The following BAG2 variants were observed in gnomAD, a reference collection of about 807,000 sequenced individuals.
BAG2 encodes the protein BAG family molecular chaperone regulator 2.
A neutral mutation model predicts 16.4 loss-of-function variants in BAG2; 8 were observed. The ratio of observed to expected loss-of-function variants is 0.49; its 90% CI spans 0.29 to 0.88. The LOEUF is 0.88. BAG2 is among the 40% of genes least tolerant of loss of function. The pLI is 0.09. For missense variants in BAG2, 218 were observed against 248.9 expected, an observed-to-expected ratio of 0.88 and a Z score of 0.84; for synonymous variants, 82 against 89.2, an observed-to-expected ratio of 0.92 and a Z score of 0.46.
At position 57,186,693 on chromosome 6, in the gene BAG2, T is replaced by TGAG. The variant is rs1383426110; in HGVS notation, c.*2504_*2506dup. ...TATTTTCAAATGATGATGAATCTCCTGAGTCACATTTTTACCCTCATTTAA... is the reference window on the plus strand; with the variant it reads ...TATTTTCAAATGATGATGAATCTCCTGAGGAGTCACATTTTTACCCTCATTTAA... On this transcript the variant is annotated 3_prime_UTR_variant, in exon 3 of 3. Coordinates refer to ENST00000370693, the MANE Select transcript of BAG2 (RefSeq NM_004282.4). 6 of 152,210 alleles carry TGAG rather than the reference T, an allele frequency of 3.9e-5. No individual in the cohort carries two copies. The highest frequency in any genetic ancestry group is 1.2e-4 in the African/African-American group (5 of 41,452). 9.4% of individuals were successfully genotyped at this position (152,210 alleles called of 1,614,324 possible). A position where few individuals can be genotyped will look rare whatever the true frequency, so the allele number is the denominator to read the frequency against.
At chr6:57,175,939 A>T (rs1764272698) in intron 1 of BAG2, among the ~76,000 whole-genome samples, 2 of 152,284 alleles carry the variant, frequency 1.3e-5, no homozygotes, top group South Asian at 2.1e-4. Flanking sequence ...GGAGGCCTAG[A>T]CTTGCAACGG....
In BAG2 at chr6:57,186,644, A is replaced by G. The variant is rs907006261; in HGVS notation, c.*2454A>G. 6.6e-6 allele frequency: 1 copy of G among 152,068 alleles called. No homozygotes were observed. The highest frequency in any genetic ancestry group is 1.5e-5 in the Non-Finnish European group (1 of 68,008). 9.4% of individuals were successfully genotyped at this position (152,068 alleles called of 1,614,324 possible). ...GGGTTGGTTCTTAACATGTATTTTT[A>G]TTTATAAGAATGGGAGTATAATTTA... On this transcript the variant is annotated 3_prime_UTR_variant, in exon 3 of 3. Transcript: ENST00000370693.
In BAG2 at chr6:57,172,566, T is replaced by A. The variant is rs1444504851; in HGVS notation, c.-132T>A. On this transcript the variant is annotated 5_prime_UTR_variant, in exon 1 of 3. The change creates a new upstream start codon in the 5' untranslated region. Transcript: ENST00000370693. The stretch of plus-strand genomic sequence containing the variant: ...CGCGGTGTCGGCGAGTCCTCCCGGG[T>A]TGCCCCCGCGGGCGTCAGAGGGAGG... 1.0e-5 allele frequency: 7 copies of A among 680,118 alleles called. No homozygotes were observed. Among genetic ancestry groups the A allele is most frequent in the Non-Finnish European group, 1.3e-5 (6 of 447,514 alleles). The allele number at this position is 680,118 out of a possible 1,614,324, so 42.1% of individuals were successfully genotyped here.
intron 2 of BAG2, among the ~76,000 whole-genome samples, chr6:57,182,973 A>G (rs938010594): frequency 2.0e-5 from 3 of 152,202 alleles, no homozygotes; most frequent in Admixed American, 6.5e-5. Flanking sequence ...TCATGTGAAG[A>G]ACATGAAATA....
chr6:57,187,380 A>G lies in BAG2; in HGVS notation c.*3190A>G, dbSNP rs1764641486. ...GTTAGCAAATGAATTCATCTGTATG[A>G]TGAGAGACTTACATGTTTTATAGCT... On this transcript the variant is annotated 3_prime_UTR_variant, in exon 3 of 3. Transcript: ENST00000370693. The G allele has an allele frequency of 6.6e-6, 1 of 152,172 alleles. No homozygotes were observed. Among genetic ancestry groups the G allele is most frequent in the African/African-American group, 2.4e-5 (1 of 41,450 alleles). The allele number at this position is 152,172 out of a possible 1,614,324, so 9.4% of individuals were successfully genotyped here.
rs755645669 is a variant in BAG2, at chr6:57,188,627, C to T, written c.*4437C>T. The T allele has an allele frequency of 1.3e-5, 2 of 152,014 alleles. No homozygotes were observed. The highest frequency in any genetic ancestry group is 2.9e-5 in the Non-Finnish European group (2 of 68,002). 9.4% of individuals were successfully genotyped at this position (152,014 alleles called of 1,614,324 possible). On this transcript the variant is annotated 3_prime_UTR_variant, in exon 3 of 3. Coordinates refer to ENST00000370693, the MANE Select transcript of BAG2 (RefSeq NM_004282.4). ...GAGAGTAGAAAAGATGACTCATTAG[C>T]AGTATCCACTGTTTGTTAGGAACTG...
intron 2 of BAG2, among the ~76,000 whole-genome samples, chr6:57,182,770 C>T (rs550734653): frequency 9.7e-4 from 147 of 152,268 alleles, no homozygotes; most frequent in African/African-American, 3.3e-3. Context: ...CCTGCCTCAG[C>T]CTCCCGAGTA....
chr6:57,183,758 C>CAA lies in BAG2; in HGVS notation c.224-19_224-18insAA. On this transcript the variant is annotated intron_variant, in intron 2 of 2. Coordinates refer to ENST00000370693, the MANE Select transcript of BAG2 (RefSeq NM_004282.4). ...AATGTTTTTGACACAGATAAGTTTA[C>CAA]ATCTCATATTGATTTTTAGGAGAAA... 1 of 1,528,382 alleles carries CAA rather than the reference C, an allele frequency of 6.5e-7. No homozygotes were observed. Among genetic ancestry groups the CAA allele is most frequent in the Non-Finnish European group, 8.8e-7 (1 of 1,137,810 alleles). 94.7% of individuals were successfully genotyped at this position (1,528,382 alleles called of 1,614,324 possible).
intron 1 of BAG2, chr6:57,174,355 T>G (rs997022361): frequency 2.1e-5 from 27 of 1,304,282 alleles, no homozygotes; most frequent in Non-Finnish European, 2.7e-5. Flanking sequence ...TCCTTCAAGC[T>G]GAGTCATTGT....
At chr6:57,177,339 C>T (rs1202335827) in intron 1 of BAG2, among the ~76,000 whole-genome samples, 1 of 152,054 alleles carries the variant, frequency 6.6e-6, no homozygotes, top group Non-Finnish European at 1.5e-5. Flanking sequence ...TCACTTGAAC[C>T]CTGGAGGTGG....
intron 1 of BAG2, among the ~76,000 whole-genome samples, chr6:57,179,149 C>T (rs1764368514): frequency 1.3e-5 from 2 of 152,120 alleles, no homozygotes; most frequent in African/African-American, 2.4e-5. Context: ...GTGCCAACTC[C>T]GTCTCTTTCC....
intron 1 of BAG2, among the ~76,000 whole-genome samples, chr6:57,176,651 A>C (rs1764293081): frequency 6.6e-6 from 1 of 152,200 alleles, no homozygotes; most frequent in Non-Finnish European, 1.5e-5. Flanking sequence ...ACTGTGGCTT[A>C]ACCTGCACCC....
chr6:57,179,412 C>T (rs1764374927), intron 1 of BAG2, among the ~76,000 whole-genome samples: 1 of 152,126 alleles, frequency 6.6e-6, no homozygotes, highest in African/African-American at 2.4e-5. Context: ...TGTGATTTTA[C>T]AGCCTGTCAG....
In BAG2 at chr6:57,180,243, T is replaced by C. The variant is rs922051502; in HGVS notation, c.114-1789T>C. Among the ~76,000 whole-genome samples, 4 of 152,166 alleles carry C rather than the reference T, an allele frequency of 2.6e-5. No individual in the cohort carries two copies. In the South Asian group the frequency reaches 8.3e-4, roughly 32 times the overall value. ...AGATCTGAATAAATGAAGAGACATATATCATGCCTTTAAACAGAGAGATGT... is the reference window on the plus strand; with the variant it reads ...AGATCTGAATAAATGAAGAGACATACATCATGCCTTTAAACAGAGAGATGT... On this transcript the variant is annotated intron_variant, in intron 1 of 2. Transcript: ENST00000370693.
Position 57,187,250 on chromosome 6 carries a change from C to G in BAG2, c.*3060C>G, listed in dbSNP as rs1242937463. On this transcript the variant is annotated 3_prime_UTR_variant, in exon 3 of 3. Coordinates refer to ENST00000370693, the MANE Select transcript of BAG2 (RefSeq NM_004282.4). Reference sequence around the variant, plus strand: ...ATCCTACTGTAGATATTTCGAGAGACAGATGAAAATAATAATAATAAAGAT... The same window carrying G: ...ATCCTACTGTAGATATTTCGAGAGAGAGATGAAAATAATAATAATAAAGAT... 1.3e-5 allele frequency: 2 copies of G among 152,084 alleles called. No individual in the cohort carries two copies. Among genetic ancestry groups the G allele is most frequent in the East Asian group, 1.9e-4 (1 of 5,204 alleles). The allele number at this position is 152,084 out of a possible 1,614,324, so 9.4% of individuals were successfully genotyped here.
At chr6:57,178,874 G>A (rs183997842) in intron 1 of BAG2, among the ~76,000 whole-genome samples, 281 of 152,256 alleles carry the variant, frequency 1.8e-3, no homozygotes, top group African/African-American at 6.5e-3. Context: ...TTCGTCATAT[G>A]ACAGGCTTAT....
At position 57,174,195 on chromosome 6, in the gene BAG2, C is replaced by A. The variant is rs1270338448; in HGVS notation, c.113+1385C>A. The A allele has an allele frequency of 3.7e-6, 4 of 1,085,514 alleles. No homozygotes were observed. The African/African-American group carries it at 4.9e-5, about 13-fold the overall frequency. 67.2% of individuals were successfully genotyped at this position (1,085,514 alleles called of 1,614,324 possible). On this transcript the variant is annotated intron_variant, in intron 1 of 2. Transcript: ENST00000370693. ...GAAGTCCCTCTAACTGGTAATGTTT[C>A]TTTTTAGGGAGCCACATAACAAGTA...
intron 1 of BAG2, among the ~76,000 whole-genome samples, chr6:57,180,788 A>G (rs1764417353): frequency 6.6e-6 from 1 of 151,796 alleles, no homozygotes; most frequent in South Asian, 2.1e-4. Flanking sequence ...AAAAAAATTG[A>G]TCGCATCAAA....
chr6:57,177,694 C>G (rs1399363295), intron 1 of BAG2, among the ~76,000 whole-genome samples: 1 of 152,208 alleles, frequency 6.6e-6, no homozygotes, highest in East Asian at 1.9e-4. Context: ...GTCACAAGCA[C>G]TGTTCCCTTA....
Sources: allele counts gnomAD v4.1 joint callset (sites outside exome capture counted in the v4.1 genomes callset), GRCh38; gene constraint gnomAD v4.1.1; transcripts MANE v1.5; gene names NCBI Gene and HGNC (gene_info 2026-07-23, HGNC 2026-07-21).